SLC35F4: variants seen among roughly 807,000 people sequenced by gnomAD.
The protein encoded by SLC35F4 is chromosome 14 open reading frame 36.
Under a neutral mutation model 44.2 loss-of-function variants are expected in SLC35F4, and 24 were observed. The ratio of observed to expected loss-of-function variants is 0.54; its 90% CI spans 0.39 to 0.76. SLC35F4 has a LOEUF of 0.76. Ranked by LOEUF, SLC35F4 falls within the 30% of genes least tolerant of loss-of-function variation. The pLI is 0.00. For missense variants in SLC35F4, 562 were observed against 586.1 expected (o/e 0.96, Z 0.42); for synonymous variants, 238 against 223.6 (o/e 1.06, Z -0.57).
chr14:57,703,939 T>C lies in SLC35F4; in HGVS notation c.104-109815A>G, dbSNP rs190327518. Among the ~76,000 whole-genome samples the C allele has an allele frequency of 1.5e-3, 225 of 152,266 alleles. 1 individual carries two copies. Among genetic ancestry groups the C allele is most frequent in the Admixed American group, 5.9e-3 (90 of 15,280 alleles). ...TTCTCTGGAAAATGAACCTCTGGGA[T>C]GATGCAGTGAGCCACAGAACTCCAA... On this transcript the variant is annotated intron_variant, in intron 1 of 7. Transcript: ENST00000556826.
intron 4 of SLC35F4, among the ~76,000 whole-genome samples, chr14:57,576,808 G>C (rs893863078): frequency 3.3e-5 from 5 of 152,256 alleles, no homozygotes; most frequent in Middle Eastern, 3.4e-3. Flanking sequence ...ATCTCAGAGG[G>C]AGACCTGGAT....
chr14:57,748,833 A>C (rs553159210), intron 1 of SLC35F4, among the ~76,000 whole-genome samples: 11 of 152,340 alleles, frequency 7.2e-5, no homozygotes, highest in East Asian at 5.8e-4. Flanking sequence ...GTATAGCTGC[A>C]TATAGAGTCA....
intron 1 of SLC35F4, among the ~76,000 whole-genome samples, chr14:57,940,448 G>C (rs1204008011): frequency 6.6e-6 from 1 of 151,888 alleles, no homozygotes; most frequent in East Asian, 1.9e-4. Flanking sequence ...AGTCTAGATG[G>C]GACCCTTGAT....
chr14:57,942,330 T>C (rs2141073610), intron 1 of SLC35F4, among the ~76,000 whole-genome samples: 1 of 152,330 alleles, frequency 6.6e-6, no homozygotes, highest in East Asian at 1.9e-4. Context: ...CTAAAATAAG[T>C]TGACTCTTAT....
At chr14:57,583,675 T>C (rs2069468884) in intron 3 of SLC35F4, among the ~76,000 whole-genome samples, 1 of 152,200 alleles carries the variant, frequency 6.6e-6, no homozygotes, top group South Asian at 2.1e-4. Context: ...CATTCCCTCG[T>C]TCTTCCCCTT....
chr14:57,823,079 C>A (rs1883347241), intron 1 of SLC35F4, among the ~76,000 whole-genome samples: 1 of 152,090 alleles, frequency 6.6e-6, no homozygotes, highest in Non-Finnish European at 1.5e-5. Flanking sequence ...CATGACACTC[C>A]ACTGTTTAAA....
At position 57,571,846 on chromosome 14, in the gene SLC35F4, T is replaced by G. The variant is rs771991045; in HGVS notation, c.933+48A>C. On this transcript the variant is annotated intron_variant, in intron 5 of 7. Transcript: ENST00000556826. ...GTACTTTCTTACTTTAGTACTCAAG[T>G]CTAAGTTATGAGTGACAGTTGCTTA... 1.9e-6 allele frequency: 3 copies of G among 1,587,948 alleles called. No homozygotes were observed. In the South Asian group the frequency reaches 3.4e-5, roughly 18 times the overall value.
chr14:57,660,980 A>G (rs1363410491), intron 1 of SLC35F4, among the ~76,000 whole-genome samples: 4 of 152,228 alleles, frequency 2.6e-5, no homozygotes, highest in African/African-American at 9.6e-5. Context: ...TAATGCATTC[A>G]CTTGGCTGAT....
At chr14:57,863,782 T>C (rs1887881495) in intron 1 of SLC35F4, among the ~76,000 whole-genome samples, 1 of 152,260 alleles carries the variant, frequency 6.6e-6, no homozygotes, top group South Asian at 2.1e-4. Flanking sequence ...GAGATTTATC[T>C]GACTATCACT....
At chr14:57,748,900 T>A (rs543137041) in intron 1 of SLC35F4, among the ~76,000 whole-genome samples, 3 of 152,130 alleles carry the variant, frequency 2.0e-5, no homozygotes, top group African/African-American at 7.2e-5. Flanking sequence ...CAAACAAACC[T>A]CTTTACTAGC....
chr14:57,853,554 G>A (rs1047920403), intron 1 of SLC35F4, among the ~76,000 whole-genome samples: 1 of 152,148 alleles, frequency 6.6e-6, no homozygotes, highest in Non-Finnish European at 1.5e-5. Flanking sequence ...TCAAGAGTGT[G>A]CATGTGATAT....
intron 1 of SLC35F4, among the ~76,000 whole-genome samples, chr14:57,959,501 T>G (rs2141086821): frequency 6.6e-6 from 1 of 152,284 alleles, no homozygotes; most frequent in African/African-American, 2.4e-5. Context: ...ACCCATACAC[T>G]CATACAGTCA....
intron 1 of SLC35F4, among the ~76,000 whole-genome samples, chr14:57,646,159 C>T (rs1390026920): frequency 2.6e-5 from 4 of 152,102 alleles, no homozygotes; most frequent in Non-Finnish European, 5.9e-5. Context: ...GGAAGGATTC[C>T]CTCTTTTTCT....
rs1188626225 is a variant in SLC35F4 at position 57,879,977 on chromosome 14, T to C, written n.282+101936A>G. 2.8e-4 allele frequency among the ~76,000 whole-genome samples: 33 copies of C among 116,086 alleles called. 1 individual carries two copies. In the Admixed American group the frequency reaches 3.7e-3, roughly 13 times the overall value. 76.2% of individuals were successfully genotyped at this position (116,086 alleles called of 152,430 possible). On this transcript the variant is annotated intron_variant and non_coding_transcript_variant, in intron 1 of 1. Transcript: ENST00000556568. ...AAAGAAGGAAGGAAGGACGGAAGAA[T>C]GGAGGGAAGGAAGGAAGGAAGGAAA...
chr14:57,680,350 A>G (rs187649663), intron 1 of SLC35F4, among the ~76,000 whole-genome samples: 3 of 152,224 alleles, frequency 2.0e-5, no homozygotes, highest in Admixed American at 2.0e-4. Flanking sequence ...CTTTCAATAA[A>G]CTAAGCGTTG....
At chr14:57,725,091 A>T (rs114324405) in intron 1 of SLC35F4, among the ~76,000 whole-genome samples, 6,961 of 152,280 alleles carry the variant, frequency 0.046, 199 homozygotes, top group South Asian at 0.087. Flanking sequence ...GTGCTCACCA[A>T]TGGGTGACCC....
At chr14:57,754,485 A>G (rs1335520599) in intron 1 of SLC35F4, among the ~76,000 whole-genome samples, 2 of 152,202 alleles carry the variant, frequency 1.3e-5, no homozygotes, top group African/African-American at 4.8e-5. Context: ...ACCCAAGGGT[A>G]TAAGAGAGCT....
intron 1 of SLC35F4, chr14:57,596,472 T>C: frequency 3.1e-6 from 1 of 321,206 alleles, no homozygotes; most frequent in South Asian, 2.6e-5. Flanking sequence ...GAGTGGCTGA[T>C]GCTCAGATAC....
intron 1 of SLC35F4, among the ~76,000 whole-genome samples, chr14:57,934,164 G>A (rs571531336): frequency 1.2e-3 from 180 of 151,492 alleles, no homozygotes; most frequent in African/African-American, 4.1e-3. Context: ...TAATCTTCAC[G>A]GAAAATTCCA....
Sources: allele counts gnomAD v4.1 joint callset (sites outside exome capture counted in the v4.1 genomes callset), GRCh38; gene constraint gnomAD v4.1.1; transcripts MANE v1.5; gene names NCBI Gene and HGNC (gene_info 2026-07-23, HGNC 2026-07-21).